Variants in CMSS1 observed in about 807,000 individuals in gnomAD.
CMSS1 encodes cms1 ribosomal small subunit homolog, also known as protein CMSS1.
In CMSS1, 33 loss-of-function variants were observed where a neutral mutation model predicts 43.5. The ratio of observed to expected loss-of-function variants is 0.76; its 90% confidence interval spans 0.57 to 1.01. CMSS1 has a LOEUF of 1.01. CMSS1 is among the 50% of genes least tolerant of loss of function. The pLI is 0.00. For synonymous variants in CMSS1, 115 were observed against 117.2 expected, an observed-to-expected ratio of 0.98 and a Z score of 0.12; for missense variants, 313 against 326.4, an observed-to-expected ratio of 0.96 and a Z score of 0.32.
At chr3:100,109,230 T>G (rs2066445987) in intron 1 of CMSS1, among the ~76,000 whole-genome samples, 1 of 152,092 alleles carries the variant, frequency 6.6e-6, no homozygotes, top group African/African-American at 2.4e-5. Flanking sequence ...AAAAAAAAAT[T>G]TTTCAATGAA....
chr3:100,010,332 CAAG>C lies in CMSS1; in HGVS notation c.65-136638_65-136636del, dbSNP rs548093319. Among the ~76,000 whole-genome samples, 39 of 151,830 alleles carry C rather than the reference CAAG, an allele frequency of 2.6e-4. 1 individual carries two copies. The South Asian group carries it at 7.5e-3, about 29-fold the overall frequency. On this transcript the variant is annotated intron_variant, in intron 1 of 9. Transcript: ENST00000421999. Reference sequence around the variant, plus strand: ...GTTGGGGAGCGGGGAGGTTTGGAAACAAGAAAAAAGGCATGTAACTGAGTATAT... The same window carrying C: ...GTTGGGGAGCGGGGAGGTTTGGAAACAAAAAAGGCATGTAACTGAGTATAT...
intron 1 of CMSS1, among the ~76,000 whole-genome samples, chr3:99,891,427 CT>C (rs1472843085): frequency 6.6e-6 from 1 of 152,148 alleles, no homozygotes; most frequent in East Asian, 1.9e-4. Context: ...AGCTTTTGTG[CT>C]TTGCTTTACC....
At chr3:99,825,158 G>A (rs1942513566) in intron 1 of CMSS1, among the ~76,000 whole-genome samples, 1 of 152,312 alleles carries the variant, frequency 6.6e-6, no homozygotes, top group East Asian at 1.9e-4. Flanking sequence ...ATATTTGTAG[G>A]AGATGTTAAT....
intron 1 of CMSS1, among the ~76,000 whole-genome samples, chr3:100,124,683 C>G (rs534339909): frequency 2.0e-4 from 30 of 152,220 alleles, no homozygotes; most frequent in South Asian, 6.2e-4. Flanking sequence ...GAAATACATC[C>G]CCAAATGGCA....
chr3:99,893,441 A>G (rs1706155118), intron 1 of CMSS1, among the ~76,000 whole-genome samples: 1 of 152,160 alleles, frequency 6.6e-6, no homozygotes, highest in African/African-American at 2.4e-5. Flanking sequence ...CTGGGATTAC[A>G]GGCTTGAGCC....
At chr3:99,855,347 A>G (rs568789531) in intron 1 of CMSS1, among the ~76,000 whole-genome samples, 2 of 152,292 alleles carry the variant, frequency 1.3e-5, no homozygotes, top group African/African-American at 4.8e-5. Context: ...TTTAGTTCCA[A>G]TTTGTGGTTT....
At chr3:100,120,122 T>G (rs1042015003) in intron 1 of CMSS1, among the ~76,000 whole-genome samples, 4 of 152,254 alleles carry the variant, frequency 2.6e-5, no homozygotes, top group Non-Finnish European at 4.4e-5. Flanking sequence ...AGCTGTACTC[T>G]CCAGTTTCCA....
chr3:99,845,374 G>C lies in CMSS1; in HGVS notation c.64+27331G>C, dbSNP rs78265257. Among the ~76,000 whole-genome samples, 691 of 152,250 alleles carry C rather than the reference G, an allele frequency of 4.5e-3. 2 individuals are homozygous for C. The highest frequency in any genetic ancestry group is 6.8e-3 in the South Asian group (33 of 4,822). ...GGGAATGTGAGTAAAATGAAACTTCGTTCTGAAGCGAGGACTTAGACCAAT... is the reference window on the plus strand; with the variant it reads ...GGGAATGTGAGTAAAATGAAACTTCCTTCTGAAGCGAGGACTTAGACCAAT... On this transcript the variant is annotated intron_variant, in intron 1 of 9. Transcript: ENST00000421999.
intron 1 of CMSS1, among the ~76,000 whole-genome samples, chr3:100,022,750 A>G (rs1011669735): frequency 6.6e-6 from 1 of 152,168 alleles, no homozygotes; most frequent in Non-Finnish European, 1.5e-5. Context: ...ATTTGTTCCC[A>G]TGGTTATTTT....
chr3:99,921,385 A>T (rs1170608086), intron 1 of CMSS1, among the ~76,000 whole-genome samples: 1 of 152,156 alleles, frequency 6.6e-6, no homozygotes, highest in African/African-American at 2.4e-5. Context: ...GAAGTCAGTT[A>T]TGCCTCATGA....
Position 99,906,913 on chromosome 3 carries a change from T to C in CMSS1, c.64+88870T>C, listed in dbSNP as rs150335809. Among the ~76,000 whole-genome samples, 124 of 152,348 alleles carry C rather than the reference T, an allele frequency of 8.1e-4. 2 individuals carry two copies. The East Asian group carries it at 0.024, about 29-fold the overall frequency. On this transcript the variant is annotated intron_variant, in intron 1 of 9. Transcript: ENST00000421999. ...ACAGAGATATGGTAGAGTTTCAGTATTGATCATGTGGATGAAGACAACTCT... is the reference window on the plus strand; with the variant it reads ...ACAGAGATATGGTAGAGTTTCAGTACTGATCATGTGGATGAAGACAACTCT...
chr3:99,842,011 A>G (rs1370742702), intron 1 of CMSS1, among the ~76,000 whole-genome samples: 1 of 152,234 alleles, frequency 6.6e-6, no homozygotes, highest in Non-Finnish European at 1.5e-5. Flanking sequence ...AAGTCATTAT[A>G]TGAAAAAGAT....
intron 1 of CMSS1, among the ~76,000 whole-genome samples, chr3:100,046,015 C>T (rs2065273476): frequency 6.6e-6 from 1 of 152,068 alleles, no homozygotes. Context: ...AACATGTTTG[C>T]CACATGCTTG....
intron 1 of CMSS1, among the ~76,000 whole-genome samples, chr3:99,887,766 A>G (rs1705955667): frequency 6.6e-6 from 1 of 152,186 alleles, no homozygotes; most frequent in Non-Finnish European, 1.5e-5. Flanking sequence ...ATAGGGCCTC[A>G]TTCTGTCACC....
At chr3:100,041,524 A>G (rs1348505358) in intron 1 of CMSS1, 2 of 152,178 alleles carry the variant, frequency 1.3e-5, no homozygotes, top group Non-Finnish European at 2.9e-5. Flanking sequence ...AAAGAATGTG[A>G]GGTCAAATTT....
chr3:99,950,528 TTTCC>T (rs1164545465), intron 1 of CMSS1, among the ~76,000 whole-genome samples: 1 of 152,178 alleles, frequency 6.6e-6, no homozygotes, highest in Non-Finnish European at 1.5e-5. Flanking sequence ...CCCTGGTGAC[TTTCC>T]TTCCTTTTCA....
At chr3:99,821,045 A>G (rs1367059671) in intron 1 of CMSS1, among the ~76,000 whole-genome samples, 1 of 151,994 alleles carries the variant, frequency 6.6e-6, no homozygotes, top group Admixed American at 6.6e-5. Flanking sequence ...CATGGTTTAT[A>G]ACATCTATCT....
intron 1 of CMSS1, among the ~76,000 whole-genome samples, chr3:99,870,003 T>G (rs1293323546): frequency 6.6e-6 from 1 of 152,216 alleles, no homozygotes; most frequent in Admixed American, 6.5e-5. Context: ...TGTGGACTCT[T>G]TCCCTCAAAT....
intron 1 of CMSS1, among the ~76,000 whole-genome samples, chr3:99,871,147 T>C (rs965417566): frequency 6.6e-6 from 1 of 152,212 alleles, no homozygotes; most frequent in Non-Finnish European, 1.5e-5. Context: ...TGAGCCTAAC[T>C]TGGTTTCTAG....
Sources: allele counts gnomAD v4.1 joint callset (sites outside exome capture counted in the v4.1 genomes callset), GRCh38; gene constraint gnomAD v4.1.1; transcripts MANE v1.5; gene names NCBI Gene and HGNC (gene_info 2026-07-23, HGNC 2026-07-21).